GNAL: variants seen among roughly 807,000 people sequenced by gnomAD.
GNAL encodes G protein subunit alpha L, also known as guanine nucleotide-binding protein G(olf) subunit alpha.
A neutral mutation model predicts 55.1 loss-of-function variants in GNAL; 18 were observed. That is an observed-to-expected ratio of 0.33 (90% CI 0.23 to 0.48). GNAL has a LOEUF of 0.48. Among genes scored for constraint, GNAL ranks in the 20% least tolerant of loss-of-function variants. The probability of loss-of-function intolerance (pLI) is 0.99; values close to 1 mark genes in which losing one functional copy is unlikely to be tolerated. For missense variants in GNAL, 412 were observed against 614.1 expected (o/e 0.67, Z 3.48); for synonymous variants, 253 against 237.0 (o/e 1.07, Z -0.62).
chr18:11,844,633 T>A (rs548126578), intron 5 of GNAL, among the ~76,000 whole-genome samples: 1 of 151,898 alleles, frequency 6.6e-6, no homozygotes, highest in South Asian at 2.1e-4. Context: ...CACACACATG[T>A]CCCCGGGAAC....
At position 11,752,741 on chromosome 18, in the gene GNAL, C is replaced by A; in HGVS notation, c.377-112C>A. ...GCGAGCTCCTCCAGCCAGGAACCCG[C>A]GTGTAGGAAATCCCCGTGCTGGGGG... is the stretch of plus-strand genomic sequence containing the variant. On this transcript the variant is annotated intron_variant, in intron 1 of 11. Coordinates refer to ENST00000334049, the MANE Select transcript of GNAL (RefSeq NM_182978.4). The surrounding 1 kb of genome is among the most constrained non-coding windows in gnomAD (Gnocchi z 4.5). The A allele has an allele frequency of 4.3e-6, 5 of 1,151,766 alleles. No homozygotes were observed. Among genetic ancestry groups the A allele is most frequent in the Non-Finnish European group, 6.4e-6 (5 of 785,662 alleles). 71.3% of individuals were successfully genotyped at this position (1,151,766 alleles called of 1,614,324 possible).
chr18:11,751,797 G>A lies in GNAL; in HGVS notation c.377-1056G>A, dbSNP rs1310904326. 3 of 361,322 alleles carry A rather than the reference G, an allele frequency of 8.3e-6. No homozygotes were observed. The highest frequency in any genetic ancestry group is 4.4e-5 in the African/African-American group (2 of 45,486). 22.4% of individuals were successfully genotyped at this position (361,322 alleles called of 1,614,324 possible). A position where few individuals can be genotyped will look rare whatever the true frequency, so the allele number is the denominator to read the frequency against. On this transcript the variant is annotated intron_variant, in intron 1 of 11. Transcript: ENST00000334049. The surrounding 1 kb of genome is among the most constrained non-coding windows in gnomAD (Gnocchi z 4.5). ...CCTCTCCGAGAGCTCCGGGACCAGC[G>A]GCCCGGCCGCCCCCAAAGCCAGCCT...
At position 11,738,350 on chromosome 18, in the gene GNAL, G is replaced by C. The variant is rs972315635; in HGVS notation, c.377-14503G>C. ...TCTTAACTTCTTGTAGCATGCATTG[G>C]CCAGGCCAGGTCTGCTGTGGGCAGC... On this transcript the variant is annotated intron_variant, in intron 1 of 11. Coordinates refer to ENST00000334049, the MANE Select transcript of GNAL (RefSeq NM_182978.4). Among the ~76,000 whole-genome samples the C allele has an allele frequency of 1.4e-4, 21 of 151,932 alleles. 1 individual carries two copies. Among genetic ancestry groups the C allele is most frequent in the Admixed American group, 4.6e-4 (7 of 15,214 alleles).
intron 1 of GNAL, among the ~76,000 whole-genome samples, chr18:11,732,971 G>T (rs1179887272): frequency 3.3e-5 from 5 of 152,214 alleles, no homozygotes; most frequent in Non-Finnish European, 5.9e-5. Flanking sequence ...AGAGCTTTCT[G>T]GGCAGTGATT....
At chr18:11,808,336 G>A (rs2034719718) in intron 4 of GNAL, among the ~76,000 whole-genome samples, 1 of 152,200 alleles carries the variant, frequency 6.6e-6, no homozygotes, top group Admixed American at 6.5e-5. Flanking sequence ...AGAAGGCCAG[G>A]AAGAGGTACT....
At chr18:11,778,219 C>G (rs866576454) in intron 4 of GNAL, among the ~76,000 whole-genome samples, 14 of 152,206 alleles carry the variant, frequency 9.2e-5, no homozygotes, top group Middle Eastern at 3.2e-3. Context: ...CATTTGACCA[C>G]TAGTAGTTTT....
chr18:11,853,108 A>G (rs748175472), intron 5 of GNAL: 1 of 167,116 alleles, frequency 6.0e-6, no homozygotes, highest in African/African-American at 2.4e-5. Context: ...AATAGAAATA[A>G]AATTAGAACT....
intron 4 of GNAL, among the ~76,000 whole-genome samples, chr18:11,794,106 T>C (rs2034313501): frequency 6.6e-6 from 1 of 152,026 alleles, no homozygotes; most frequent in African/African-American, 2.4e-5. Flanking sequence ...ATAACAAGTG[T>C]TGGAAAGGAT....
intron 9 of GNAL, among the ~76,000 whole-genome samples, chr18:11,869,915 C>T (rs1381126393): frequency 2.6e-5 from 4 of 151,798 alleles, no homozygotes; most frequent in Non-Finnish European, 5.9e-5. Context: ...TCTCAAAAAA[C>T]GTAATTAATT....
At chr18:11,814,578 T>A (rs180831918) in intron 4 of GNAL, among the ~76,000 whole-genome samples, 2 of 151,924 alleles carry the variant, frequency 1.3e-5, no homozygotes, top group East Asian at 3.9e-4. Context: ...CCATATGGTC[T>A]CATCATATAT....
chr18:11,708,349 G>A (rs1208680913), intron 1 of GNAL, among the ~76,000 whole-genome samples: 1 of 152,154 alleles, frequency 6.6e-6, no homozygotes, highest in Non-Finnish European at 1.5e-5. Context: ...GGAGAGAGAT[G>A]GGGGAATGGC....
chr18:11,728,977 G>C (rs1182801131), intron 1 of GNAL, among the ~76,000 whole-genome samples: 1 of 152,186 alleles, frequency 6.6e-6, no homozygotes, highest in Non-Finnish European at 1.5e-5. Context: ...GGACGAGTTA[G>C]TACTGGTTAG....
chr18:11,803,775 G>A (rs2034583609), intron 4 of GNAL, among the ~76,000 whole-genome samples: 1 of 151,612 alleles, frequency 6.6e-6, no homozygotes, highest in South Asian at 2.1e-4. Flanking sequence ...CAGTTTGGAT[G>A]GAACACGGAG....
At chr18:11,864,446 A>G in intron 6 of GNAL, 87 bp from the exon 7 acceptor site, 1 of 773,688 alleles carries the variant, frequency 1.3e-6, no homozygotes, top group East Asian at 2.5e-5. Flanking sequence ...TATTTGAAAA[A>G]TATTGATGAG....
chr18:11,763,493 C>G (rs2143201906), intron 4 of GNAL, among the ~76,000 whole-genome samples: 1 of 152,114 alleles, frequency 6.6e-6, no homozygotes. Flanking sequence ...CTCACTGCAG[C>G]CTCCCAAGTA....
intron 5 of GNAL, chr18:11,851,512 A>G (rs761364431): frequency 7.6e-6 from 12 of 1,568,962 alleles, no homozygotes; most frequent in East Asian, 2.3e-5. Flanking sequence ...CCGTCCGACT[A>G]TGTCTAACAT....
At position 11,884,690 on chromosome 18, in the gene GNAL, A is replaced by G; in HGVS notation, c.*3555A>G. The G allele has an allele frequency of 6.5e-7, 1 of 1,528,666 alleles. No homozygotes were observed. The highest frequency in any genetic ancestry group is 1.2e-5 in the South Asian group (1 of 86,736). 94.7% of individuals were successfully genotyped at this position (1,528,666 alleles called of 1,614,324 possible). A position where few individuals can be genotyped will look rare whatever the true frequency, so the allele number is the denominator to read the frequency against. Reference sequence around the variant, plus strand: ...GGCACACGTTGAACACCGCAGTCTTAGAAACAGCAGAGGGAAGACTGCCTT... The same window carrying G: ...GGCACACGTTGAACACCGCAGTCTTGGAAACAGCAGAGGGAAGACTGCCTT... On this transcript the variant is annotated 3_prime_UTR_variant, in exon 12 of 12. Coordinates refer to ENST00000334049, the MANE Select transcript of GNAL (RefSeq NM_182978.4).
Position 11,747,433 on chromosome 18 carries a change from G to A in GNAL, c.377-5420G>A, listed in dbSNP as rs184896223. The stretch of plus-strand genomic sequence containing the variant: ...CCTTCAATATCCTAAAGCCAAAGAA[G>A]TCTGTTCATGCCCTTGAGGCTTGAA... On this transcript the variant is annotated intron_variant, in intron 1 of 11. Transcript: ENST00000334049. 7.4e-4 allele frequency: 128 copies of A among 172,120 alleles called. 1 individual carries two copies. The highest frequency in any genetic ancestry group is 5.2e-3 in the Middle Eastern group (2 of 382). 10.7% of individuals were successfully genotyped at this position (172,120 alleles called of 1,614,324 possible).
At chr18:11,781,546 C>T (rs2143356106) in intron 4 of GNAL, among the ~76,000 whole-genome samples, 1 of 152,276 alleles carries the variant, frequency 6.6e-6, no homozygotes, top group East Asian at 1.9e-4. Context: ...AAGAAAAGAG[C>T]AGTTGTAGAC....
Sources: allele counts gnomAD v4.1 joint callset (sites outside exome capture counted in the v4.1 genomes callset), GRCh38; gene constraint gnomAD v4.1.1; non-coding constraint Gnocchi (gnomAD v3.1); transcripts MANE v1.5; gene names NCBI Gene and HGNC (gene_info 2026-07-23, HGNC 2026-07-21).